Variants in THSD4 observed in about 807,000 individuals in gnomAD.
THSD4 encodes the protein thrombospondin type 1 domain containing 4, also known as thrombospondin type-1 domain-containing protein 4.
In THSD4, 69 loss-of-function variants were observed where a neutral mutation model predicts 119.0. The observed-to-expected ratio is 0.58, with a 90% CI of 0.48 to 0.71. The LOEUF is 0.71. THSD4 is among the 30% of genes least tolerant of loss of function. The probability of loss-of-function intolerance (pLI) is 0.00; values close to 1 mark genes in which losing one functional copy is unlikely to be tolerated. For missense variants in THSD4, 1,393 were observed against 1,391.1 expected (o/e 1.00, Z -0.02); for synonymous variants, 524 against 540.4 (o/e 0.97, Z 0.42).
chr15:71,702,806 A>C (rs912871591), intron 8 of THSD4, among the ~76,000 whole-genome samples: 27 of 151,450 alleles, frequency 1.8e-4, no homozygotes, highest in African/African-American at 5.6e-4. Context: ...TGACCACTGC[A>C]CTCCCTTCCC....
chr15:71,110,001 C>T lies in THSD4; in HGVS notation c.-80+12995C>T, dbSNP rs115329131. Among the ~76,000 whole-genome samples, 357 of 152,294 alleles carry T rather than the reference C, an allele frequency of 2.3e-3. 2 individuals are homozygous for T. The highest frequency in any genetic ancestry group is 8.3e-3 in the African/African-American group (345 of 41,562). On this transcript the variant is annotated intron_variant, in intron 1 of 17. Transcript: ENST00000355327. ...AAATTAATTCATTCAACAAGAAAGCCGGTTTGCTGAAGAGGGAAAATTGCC... is the reference window on the plus strand; with the variant it reads ...AAATTAATTCATTCAACAAGAAAGCTGGTTTGCTGAAGAGGGAAAATTGCC...
intron 8 of THSD4, among the ~76,000 whole-genome samples, chr15:71,676,593 T>G (rs2051656785): frequency 6.6e-6 from 1 of 152,174 alleles, no homozygotes; most frequent in African/African-American, 2.4e-5. Context: ...GAATATTTTC[T>G]TATCCCAAAA....
chr15:71,240,113 A>G (rs1329350944), intron 4 of THSD4, among the ~76,000 whole-genome samples: 1 of 152,238 alleles, frequency 6.6e-6, no homozygotes. Flanking sequence ...CAATATGAAT[A>G]CAAAAATATA....
intron 6 of THSD4, among the ~76,000 whole-genome samples, chr15:71,265,630 G>T (rs1042430475): frequency 6.6e-6 from 1 of 152,142 alleles, no homozygotes; most frequent in Non-Finnish European, 1.5e-5. Flanking sequence ...TGGAAAGGGG[G>T]CTGAAGCCAG....
chr15:71,655,511 TAAAGAC>T (rs2051173025), intron 7 of THSD4, among the ~76,000 whole-genome samples: 2 of 152,262 alleles, frequency 1.3e-5, no homozygotes, highest in South Asian at 4.1e-4. Flanking sequence ...ATAAAATACA[TAAAGAC>T]AAAGATGACA....
chr15:71,637,659 C>G (rs2050771373), intron 7 of THSD4, among the ~76,000 whole-genome samples: 2 of 151,812 alleles, frequency 1.3e-5, no homozygotes, highest in South Asian at 4.2e-4. Flanking sequence ...GGGGAGGTGG[C>G]AATGGGGAGT....
In THSD4 at chr15:71,749,697, T is replaced by TTTTATTTATTTATTTATTTATTTA. The variant is rs71131703; in HGVS notation, c.2415+1119_2415+1142dup. Among the ~76,000 whole-genome samples, 353 of 137,662 alleles carry TTTTATTTATTTATTTATTTATTTA rather than the reference T, an allele frequency of 2.6e-3. 13 individuals carry two copies. The highest frequency in any genetic ancestry group is 7.7e-3 in the East Asian group (37 of 4,778). The allele number at this position is 137,662 out of a possible 152,430, so 90.3% of individuals were successfully genotyped here. A position where few individuals can be genotyped will look rare whatever the true frequency, so the allele number is the denominator to read the frequency against. On this transcript the variant is annotated intron_variant, in intron 14 of 17. Transcript: ENST00000261862. ...TTTTAATATTTTTATATTTTTAAAT[T>TTTTATTTATTTATTTATTTATTTA]TTTATTTATTTATTTATTTATTTAT...
intron 6 of THSD4, among the ~76,000 whole-genome samples, chr15:71,318,702 G>A (rs1377869380): frequency 1.3e-5 from 2 of 152,236 alleles, no homozygotes; most frequent in African/African-American, 4.8e-5. Context: ...ATTCTGGGTT[G>A]GAAATGACTG....
At chr15:71,442,660 G>GTGTATGTATGTA in intron 7 of THSD4, among the ~76,000 whole-genome samples, 7 of 25,828 alleles carry the variant, frequency 2.7e-4, no homozygotes, top group Non-Finnish European at 6.4e-4. Context: ...GTGTGTGTGT[G>GTGTATGTATGTA]TATATATATA....
At chr15:71,623,045 G>A (rs1384830294) in intron 7 of THSD4, among the ~76,000 whole-genome samples, 6 of 152,026 alleles carry the variant, frequency 3.9e-5, no homozygotes, top group Admixed American at 6.5e-5. Context: ...TGGAGGTCTC[G>A]GTAATCAGGA....
In THSD4 at chr15:71,417,896, G is replaced by A. The variant is rs1360448816; in HGVS notation, c.1152+6073G>A. Among the ~76,000 whole-genome samples the A allele has an allele frequency of 1.9e-5, 2 of 107,342 alleles. 1 individual carries two copies. The highest frequency in any genetic ancestry group is 6.3e-5 in the African/African-American group (2 of 31,670). 70.4% of individuals were successfully genotyped at this position (107,342 alleles called of 152,430 possible). On this transcript the variant is annotated intron_variant, in intron 7 of 17. Coordinates refer to ENST00000261862, the MANE Select transcript of THSD4 (RefSeq NM_024817.3). ...ACAGAATATCTTTCTATTCCTTTGT[G>A]TCCTCTTCAACTTCTTTCATCCATG...
intron 7 of THSD4, among the ~76,000 whole-genome samples, chr15:71,501,615 T>A (rs566647732): frequency 3.3e-5 from 5 of 152,360 alleles, no homozygotes; most frequent in African/African-American, 1.2e-4. Context: ...AATAATCCAG[T>A]GTCCTCTGAC....
chr15:71,441,485 T>C (rs1169806657), intron 7 of THSD4, among the ~76,000 whole-genome samples: 3 of 141,636 alleles, frequency 2.1e-5, no homozygotes, highest in African/African-American at 7.7e-5. Flanking sequence ...CCTGGGGTTT[T>C]TTTTTTTTTA....
At chr15:71,687,904 T>A (rs1232077506) in intron 8 of THSD4, among the ~76,000 whole-genome samples, 1 of 152,244 alleles carries the variant, frequency 6.6e-6, no homozygotes, top group African/African-American at 2.4e-5. Context: ...TTTTTTCTCA[T>A]TTATTCATTC....
intron 7 of THSD4, among the ~76,000 whole-genome samples, chr15:71,492,277 A>G (rs2047931885): frequency 6.7e-6 from 1 of 150,286 alleles, no homozygotes; most frequent in Non-Finnish European, 1.5e-5. Flanking sequence ...TTTATTTTTT[A>G]TTTTCGAGAT....
At chr15:71,180,164 A>G (rs868092658) in intron 3 of THSD4, among the ~76,000 whole-genome samples, 1 of 26,050 alleles carries the variant, frequency 3.8e-5, no homozygotes, top group Admixed American at 8.6e-4. Context: ...ATTAAAAAAA[A>G]AAAAAATAAA....
At chr15:71,577,341 C>T (rs1009345866) in intron 7 of THSD4, among the ~76,000 whole-genome samples, 1 of 152,172 alleles carries the variant, frequency 6.6e-6, no homozygotes, top group Non-Finnish European at 1.5e-5. Flanking sequence ...AGAGGAGATG[C>T]AAAGAGATGG....
intron 7 of THSD4, among the ~76,000 whole-genome samples, chr15:71,441,842 C>T (rs914974578): frequency 1.3e-5 from 2 of 152,054 alleles, no homozygotes; most frequent in African/African-American, 2.4e-5. Flanking sequence ...GTACTGACCC[C>T]GCAGGTTTGT....
chr15:71,524,587 C>CTTTTTTTTTTT (rs71438517), intron 7 of THSD4, among the ~76,000 whole-genome samples: 1 of 59,506 alleles, frequency 1.7e-5, no homozygotes, highest in Non-Finnish European at 3.1e-5. Flanking sequence ...GTTTATGCCT[C>CTTTTTTTTTTT]TTTTTTTTTT....
Sources: allele counts gnomAD v4.1 joint callset (sites outside exome capture counted in the v4.1 genomes callset), GRCh38; gene constraint gnomAD v4.1.1; transcripts MANE v1.5; gene names NCBI Gene and HGNC (gene_info 2026-07-23, HGNC 2026-07-21).